TSEN2: variants seen among roughly 807,000 people sequenced by gnomAD.
The protein encoded by TSEN2 is tRNA-splicing endonuclease subunit Sen2.
A neutral mutation model predicts 59.2 loss-of-function variants in TSEN2; 54 were observed. The observed-to-expected ratio is 0.91, with a 90% CI of 0.73 to 1.14. The LOEUF is 1.14. TSEN2 is among the 50% of genes most tolerant of loss of function. The probability of loss-of-function intolerance (pLI) is 0.00; values close to 1 mark genes in which losing one functional copy is unlikely to be tolerated. For missense variants in TSEN2, 636 were observed against 576.2 expected (o/e 1.10, Z -1.06); for synonymous variants, 195 against 198.2 (o/e 0.98, Z 0.14).
At position 12,489,974 on chromosome 3, in the gene TSEN2, G is replaced by A; in HGVS notation, c.174G>A (p.Glu58=). The change falls in exon 2 of 12, where the codon GAG becomes GAA. Residue 58 remains glutamate (E), a synonymous_variant. Coordinates refer to ENST00000284995, the MANE Select transcript of TSEN2 (RefSeq NM_025265.4). ...TTGTGAGGAATGCGGAGGACATTGA[G>A]CAGCTCTATGGGAAAGTAAGTGCAG... ...NVIVRNAEDI[E]QLYGKGYFGK... is the part of the protein sequence containing the mutation. The A allele has an allele frequency of 6.2e-7, 1 of 1,614,122 alleles. No homozygotes were observed. The highest frequency in any genetic ancestry group is 8.5e-7 in the Non-Finnish European group (1 of 1,180,006).
At chr3:12,499,396 A>G (rs1239585991) in intron 4 of TSEN2, among the ~76,000 whole-genome samples, 1 of 152,208 alleles carries the variant, frequency 6.6e-6, no homozygotes, top group African/African-American at 2.4e-5. Flanking sequence ...AAGGATTTAC[A>G]GTCTAGTGAG....
Position 12,503,223 on chromosome 3 carries a change from A to G in TSEN2, c.309-39A>G, listed in dbSNP as rs772714170. 1.3e-5 allele frequency: 21 copies of G among 1,613,544 alleles called. No homozygotes were observed. In the South Asian group the frequency reaches 2.2e-4, roughly 17 times the overall value. The stretch of plus-strand genomic sequence containing the variant: ...TGCTTTGTTGTTTTTTCAATTTTGA[A>G]ATTCGAGTGCTGTTTCTAACAGTAT... On this transcript the variant is annotated intron_variant, in intron 4 of 11. Coordinates refer to ENST00000284995, the MANE Select transcript of TSEN2 (RefSeq NM_025265.4).
intron 4 of TSEN2, among the ~76,000 whole-genome samples, chr3:12,497,418 A>G (rs372392840): frequency 2.2e-4 from 33 of 152,290 alleles, no homozygotes; most frequent in Middle Eastern, 3.4e-3. Flanking sequence ...TGGCAACCCC[A>G]TAGCCAGCGG....
intron 4 of TSEN2, among the ~76,000 whole-genome samples, chr3:12,500,684 T>TA (rs1171219600): frequency 2.6e-5 from 4 of 152,236 alleles, no homozygotes; most frequent in African/African-American, 7.2e-5. Flanking sequence ...GAACACTTCT[T>TA]ATGGGCTATG....
intron 8 of TSEN2, among the ~76,000 whole-genome samples, chr3:12,523,737 G>A (rs946273596): frequency 6.6e-6 from 1 of 151,450 alleles, no homozygotes; most frequent in Non-Finnish European, 1.5e-5. Context: ...ACAGGGTTTT[G>A]CCATGTTGAC....
intron 3 of TSEN2, among the ~76,000 whole-genome samples, chr3:12,495,078 A>G (rs1189593587): frequency 2.2e-5 from 3 of 138,950 alleles, no homozygotes; most frequent in African/African-American, 5.6e-5. Flanking sequence ...GTGAGCCAAA[A>G]TCGCGCCACT....
downstream of TSEN2, among the ~76,000 whole-genome samples, chr3:12,536,570 C>T (rs1246907155): frequency 6.6e-6 from 1 of 152,010 alleles, no homozygotes; most frequent in Non-Finnish European, 1.5e-5. Context: ...TTAGCTGGTA[C>T]GATAAAGGAA....
exon 11 of TSEN2, chr3:12,539,237 G>A (rs1050646837): frequency 3.0e-5 from 12 of 399,186 alleles, no homozygotes; most frequent in South Asian, 5.4e-5. Context: ...GGGTTTAAGC[G>A]ATTCTCATGC....
intron 1 of TSEN2, among the ~76,000 whole-genome samples, chr3:12,488,397 G>C (rs1228244992): frequency 2.0e-5 from 3 of 152,238 alleles, no homozygotes; most frequent in African/African-American, 7.2e-5. Flanking sequence ...GGGAGCAGCA[G>C]ATTCAAGTTT....
intron 6 of TSEN2, chr3:12,506,593 A>C (rs2054864337): frequency 1.5e-6 from 1 of 686,590 alleles, no homozygotes; most frequent in Admixed American, 6.3e-5. Flanking sequence ...AAAAAAAAAA[A>C]AAGTGGCTAA....
intron 6 of TSEN2, among the ~76,000 whole-genome samples, chr3:12,509,312 C>T (rs1471476918): frequency 6.6e-6 from 1 of 151,860 alleles, no homozygotes; most frequent in East Asian, 1.9e-4. Flanking sequence ...GTGATCCTCC[C>T]ACCTCAGCCT....
intron 10 of TSEN2, chr3:12,539,155 A>G: frequency 2.3e-6 from 1 of 436,572 alleles, no homozygotes; most frequent in Non-Finnish European, 4.5e-6. Flanking sequence ...TTTTCTTGTG[A>G]TGTAGTCTCG....
chr3:12,526,512 G>C (rs924217376), intron 8 of TSEN2, among the ~76,000 whole-genome samples: 1 of 152,196 alleles, frequency 6.6e-6, no homozygotes, highest in Non-Finnish European at 1.5e-5. Flanking sequence ...GTGGTGGGCT[G>C]TACCATCTAG....
chr3:12,498,106 T>G (rs1174402811), intron 4 of TSEN2, among the ~76,000 whole-genome samples: 3 of 151,928 alleles, frequency 2.0e-5, no homozygotes, highest in Non-Finnish European at 4.4e-5. Flanking sequence ...TGATACATAA[T>G]AGATGTATGT....
In TSEN2 at chr3:12,516,408, G is replaced by A. The variant is rs2056089180; in HGVS notation, c.910-203G>A. On this transcript the variant is annotated intron_variant, in intron 6 of 11. Coordinates refer to ENST00000284995, the MANE Select transcript of TSEN2 (RefSeq NM_025265.4). ...CCACCGCACTCCAGCCTGGACGACA[G>A]AGTGAGACTCCGTTTCAAAAACAAA... 2.0e-5 allele frequency among the ~76,000 whole-genome samples: 3 copies of A among 151,986 alleles called. 1 individual carries two copies. The South Asian group carries it at 6.2e-4, about 32-fold the overall frequency.
intron 1 of TSEN2, among the ~76,000 whole-genome samples, chr3:12,486,475 C>T (rs1240032953): frequency 6.6e-6 from 1 of 152,176 alleles, no homozygotes; most frequent in African/African-American, 2.4e-5. Context: ...AGAAGCTTCA[C>T]GCTGGTATCT....
chr3:12,527,535 G>T (rs1446320869), intron 8 of TSEN2, among the ~76,000 whole-genome samples: 1 of 149,444 alleles, frequency 6.7e-6, no homozygotes, highest in Non-Finnish European at 1.5e-5. Context: ...CTCACTGCAA[G>T]CTCCGCCTCC....
At chr3:12,527,169 G>T (rs1170172120) in intron 8 of TSEN2, among the ~76,000 whole-genome samples, 1 of 152,218 alleles carries the variant, frequency 6.6e-6, no homozygotes, top group African/African-American at 2.4e-5. Context: ...GTGCCTCAGT[G>T]AATTTGAGCT....
intron 6 of TSEN2, among the ~76,000 whole-genome samples, chr3:12,512,544 A>G (rs2055585077): frequency 1.3e-5 from 2 of 152,234 alleles, no homozygotes; most frequent in Non-Finnish European, 2.9e-5. Flanking sequence ...TAATGATCAC[A>G]AAATAGATCT....
Sources: allele counts gnomAD v4.1 joint callset (sites outside exome capture counted in the v4.1 genomes callset), GRCh38; gene constraint gnomAD v4.1.1; transcripts MANE v1.5; gene names NCBI Gene and HGNC (gene_info 2026-07-23, HGNC 2026-07-21).